The following MYO16 variants were observed in gnomAD, a reference collection of about 807,000 sequenced individuals.
MYO16 encodes unconventional myosin-XVI.
Under a neutral mutation model 205.3 loss-of-function variants are expected in MYO16, and 94 were observed. The observed-to-expected ratio is 0.46, with a 90% confidence interval of 0.39 to 0.54. The LOEUF is 0.54. Ranked by LOEUF, MYO16 falls within the 20% of genes least tolerant of loss-of-function variation. The probability of loss-of-function intolerance (pLI) is 0.00; values close to 1 mark genes in which losing one functional copy is unlikely to be tolerated. For synonymous variants in MYO16, 988 were observed against 954.0 expected (o/e 1.04, Z -0.66); for missense variants, 2,315 against 2,387.5 (o/e 0.97, Z 0.63).
intron 2 of MYO16, among the ~76,000 whole-genome samples, chr13:108,675,847 G>A (rs556406953): frequency 2.0e-5 from 3 of 152,178 alleles, no homozygotes; most frequent in Non-Finnish European, 2.9e-5. Context: ...AGTTCAGTCT[G>A]GGGGTTGATC....
chr13:108,802,962 T>A (rs1233121353), intron 6 of MYO16, among the ~76,000 whole-genome samples: 4 of 152,202 alleles, frequency 2.6e-5, no homozygotes, highest in Non-Finnish European at 5.9e-5. Flanking sequence ...CCTACTTTTA[T>A]CAAGGGAGTG....
At chr13:108,729,461 G>C (rs993317190) in intron 4 of MYO16, among the ~76,000 whole-genome samples, 1 of 152,012 alleles carries the variant, frequency 6.6e-6, no homozygotes, top group African/African-American at 2.4e-5. Context: ...AATGAGATAG[G>C]CTTGATTCAT....
the MYO16 span, among the ~76,000 whole-genome samples, chr13:108,584,882 T>C: frequency 6.6e-6 from 1 of 152,200 alleles, no homozygotes; most frequent in East Asian, 1.9e-4. Flanking sequence ...TGAAATCTGA[T>C]CTTAGAGTTG....
At chr13:108,636,728 G>A (rs1173004536) in intron 1 of MYO16, among the ~76,000 whole-genome samples, 3 of 152,000 alleles carry the variant, frequency 2.0e-5, no homozygotes, top group African/African-American at 4.8e-5. Context: ...TGCACCCAGC[G>A]TTTCAAATTT....
At chr13:108,793,138 T>C (rs1222842445) in intron 5 of MYO16, among the ~76,000 whole-genome samples, 3 of 151,562 alleles carry the variant, frequency 2.0e-5, no homozygotes, top group East Asian at 1.9e-4. Context: ...AAAAAAAAAT[T>C]AGCCGGGCGC....
At chr13:108,653,588 T>G (rs1881108243) in intron 1 of MYO16, among the ~76,000 whole-genome samples, 2 of 152,216 alleles carry the variant, frequency 1.3e-5, no homozygotes, top group Admixed American at 1.3e-4. Flanking sequence ...AATTTTATTT[T>G]TTTGCATGTA....
At chr13:108,676,172 C>T (rs1268778642) in intron 2 of MYO16, among the ~76,000 whole-genome samples, 2 of 152,064 alleles carry the variant, frequency 1.3e-5, no homozygotes, top group African/African-American at 4.8e-5. Flanking sequence ...TTTAGGCAAT[C>T]ATATTTTAAA....
At chr13:108,673,354 C>T (rs1249990735) in intron 2 of MYO16, among the ~76,000 whole-genome samples, 2 of 147,102 alleles carry the variant, frequency 1.4e-5, no homozygotes, top group Non-Finnish European at 3.0e-5. Context: ...AATCCCTCCC[C>T]GTTCTTCTTC....
chr13:108,899,513 A>T (rs1401374300), intron 15 of MYO16, among the ~76,000 whole-genome samples: 1 of 152,208 alleles, frequency 6.6e-6, no homozygotes, highest in East Asian at 1.9e-4. Flanking sequence ...AAAGCTATTC[A>T]ATCATTTATT....
At chr13:108,984,482 A>C (rs1884558273) in intron 20 of MYO16, among the ~76,000 whole-genome samples, 2 of 152,268 alleles carry the variant, frequency 1.3e-5, no homozygotes, top group South Asian at 2.1e-4. Flanking sequence ...ATTCATTCAC[A>C]CAAGGGATTC....
chr13:108,882,965 C>T (rs1015020050), intron 12 of MYO16, 94 bp from the exon 13 acceptor site: 3 of 1,495,564 alleles, frequency 2.0e-6, no homozygotes, highest in African/African-American at 2.8e-5. Context: ...TCATTCACTT[C>T]TGTATCTTGG....
chr13:108,736,864 G>A (rs549271440), intron 4 of MYO16, among the ~76,000 whole-genome samples: 3 of 152,190 alleles, frequency 2.0e-5, no homozygotes, highest in South Asian at 2.1e-4. Context: ...CACATCCCTT[G>A]TAAGTTGGAT....
intron 9 of MYO16, among the ~76,000 whole-genome samples, chr13:108,838,984 G>C (rs1388004806): frequency 2.0e-5 from 3 of 151,908 alleles, no homozygotes; most frequent in Admixed American, 2.0e-4. Flanking sequence ...TTCATTTTTT[G>C]TTACCTATAA....
chr13:108,712,773 G>C lies in MYO16; in HGVS notation c.363+42G>C, dbSNP rs766663560. ...TCAGTGCCAGTGCATGGGGACACCC[G>C]GGGGAGAGTACATTACAGGTTCAAA... On this transcript the variant is annotated intron_variant, in intron 3 of 34. Transcript: ENST00000457511. 91 of 1,515,392 alleles carry C rather than the reference G, an allele frequency of 6.0e-5. 3 individuals are homozygous for C. The South Asian group carries it at 6.7e-4, about 11-fold the overall frequency. The allele number at this position is 1,515,392 out of a possible 1,614,324, so 93.9% of individuals were successfully genotyped here.
intron 4 of MYO16, among the ~76,000 whole-genome samples, chr13:108,769,071 C>T (rs1885873191): frequency 1.3e-5 from 2 of 152,168 alleles, no homozygotes; most frequent in African/African-American, 4.8e-5. Context: ...AAAGGATATT[C>T]TCTCACAGAT....
At chr13:108,599,813 T>C (rs184211768) in intron 1 of MYO16, among the ~76,000 whole-genome samples, 35 of 152,290 alleles carry the variant, frequency 2.3e-4, no homozygotes, top group African/African-American at 7.9e-4. Flanking sequence ...CAGTTTTGGG[T>C]TGAGAGAGTT....
intron 27 of MYO16, among the ~76,000 whole-genome samples, chr13:109,094,006 T>C (rs1358500755): frequency 6.6e-6 from 1 of 152,010 alleles, no homozygotes; most frequent in East Asian, 1.9e-4. Context: ...ACTCATCTCC[T>C]ACAACTTTCC....
intron 27 of MYO16, among the ~76,000 whole-genome samples, chr13:109,074,512 A>G (rs1016955955): frequency 6.6e-6 from 1 of 152,186 alleles, no homozygotes; most frequent in Non-Finnish European, 1.5e-5. Flanking sequence ...GGGAAGTGCC[A>G]CACTTAAGCC....
intron 27 of MYO16, among the ~76,000 whole-genome samples, chr13:109,076,380 A>C (rs770139373): frequency 4.6e-5 from 7 of 152,152 alleles, no homozygotes; most frequent in Non-Finnish European, 7.3e-5. Context: ...ATAAACATTT[A>C]ATGTAAACTT....
Sources: gnomAD v4.1 joint callset for allele counts (sites outside exome capture counted in the v4.1 genomes callset) on GRCh38, gnomAD v4.1.1 for gene constraint, MANE v1.5 for transcripts, NCBI Gene and HGNC (gene_info 2026-07-23, HGNC 2026-07-21) for gene names.